ZNRF3: variants seen among roughly 807,000 people sequenced by gnomAD.
ZNRF3 encodes the protein zinc and ring finger 3.
In ZNRF3, 23 loss-of-function variants were observed where a neutral mutation model predicts 72.5. That is an observed-to-expected ratio of 0.32 (90% CI 0.23 to 0.45). ZNRF3 has a LOEUF of 0.45. ZNRF3 is among the 20% of genes least tolerant of loss of function. The pLI, the probability that ZNRF3 is intolerant of heterozygous loss-of-function variation, is 1.00. For missense variants in ZNRF3, 1,169 were observed against 1,272.1 expected (o/e 0.92, Z 1.23); for synonymous variants, 610 against 545.3 (o/e 1.12, Z -1.65).
At chr22:29,020,471 G>A (rs2036513309) in intron 2 of ZNRF3, among the ~76,000 whole-genome samples, 1 of 151,884 alleles carries the variant, frequency 6.6e-6, no homozygotes, top group Non-Finnish European at 1.5e-5. Context: ...ATGCTGCCCA[G>A]GCTGGTCTTA....
intron 5 of ZNRF3, among the ~76,000 whole-genome samples, chr22:29,046,486 C>A (rs1444131763): frequency 6.6e-6 from 1 of 152,184 alleles, no homozygotes; most frequent in Non-Finnish European, 1.5e-5. Context: ...ATCAGAGAGA[C>A]CCCTGCTAGT....
At chr22:28,999,046 G>A (rs2036095961) in intron 2 of ZNRF3, among the ~76,000 whole-genome samples, 1 of 152,026 alleles carries the variant, frequency 6.6e-6, no homozygotes, top group Admixed American at 6.6e-5. Flanking sequence ...AGCCGGGTGC[G>A]GTGGCTCATG....
chr22:29,037,222 GGTCCAAGCCCCAAACCAA>G (rs1168189172), intron 2 of ZNRF3, among the ~76,000 whole-genome samples: 1 of 152,192 alleles, frequency 6.6e-6, no homozygotes, highest in East Asian at 1.9e-4. Flanking sequence ...GATGGCGGTA[GGTCCAAGCCCCAAACCAA>G]GTCTGGGTAT....
At chr22:28,904,945 T>A (rs2034178565) in intron 1 of ZNRF3, among the ~76,000 whole-genome samples, 1 of 151,762 alleles carries the variant, frequency 6.6e-6, no homozygotes, top group Non-Finnish European at 1.5e-5. Flanking sequence ...AGTGTCTTTT[T>A]TTTTTTTTTT....
At chr22:29,014,229 A>G (rs778068183) in intron 2 of ZNRF3, among the ~76,000 whole-genome samples, 3 of 152,076 alleles carry the variant, frequency 2.0e-5, no homozygotes, top group African/African-American at 4.8e-5. Flanking sequence ...TACTCTAATT[A>G]TCACTGATGG....
intron 2 of ZNRF3, among the ~76,000 whole-genome samples, chr22:29,010,576 C>T (rs1051653006): frequency 1.3e-5 from 2 of 152,096 alleles, no homozygotes; most frequent in African/African-American, 4.8e-5. Flanking sequence ...GTATATTGAT[C>T]CCTTACCTGA....
chr22:28,890,217 C>G (rs757369417), intron 1 of ZNRF3, among the ~76,000 whole-genome samples: 1 of 152,188 alleles, frequency 6.6e-6, no homozygotes, highest in Non-Finnish European at 1.5e-5. Flanking sequence ...TGAAAGTGAT[C>G]TGGCCCGGTG....
intron 1 of ZNRF3, among the ~76,000 whole-genome samples, chr22:28,977,802 C>T (rs936821930): frequency 6.6e-6 from 1 of 152,124 alleles, no homozygotes; most frequent in African/African-American, 2.4e-5. Context: ...ATAAAAGCAC[C>T]ACTAGCCCTA....
At chr22:28,940,013 G>C (rs1319339832) in intron 1 of ZNRF3, among the ~76,000 whole-genome samples, 1 of 152,178 alleles carries the variant, frequency 6.6e-6, no homozygotes, top group African/African-American at 2.4e-5. Flanking sequence ...TTCACTGTGA[G>C]GAAAGATTTA....
chr22:29,011,917 C>T (rs2123853279), intron 2 of ZNRF3, among the ~76,000 whole-genome samples: 1 of 152,318 alleles, frequency 6.6e-6, no homozygotes, highest in East Asian at 1.9e-4. Flanking sequence ...AAATTTCCAG[C>T]TTCTCTTTGT....
intron 2 of ZNRF3, among the ~76,000 whole-genome samples, chr22:29,036,531 A>G (rs1239983268): frequency 1.3e-5 from 2 of 152,230 alleles, no homozygotes; most frequent in Non-Finnish European, 2.9e-5. Context: ...CGCCTAACCC[A>G]GAAATTAAAT....
chr22:28,937,193 ATATATATATATATATATATATATTT>A (rs1378753408), intron 1 of ZNRF3, among the ~76,000 whole-genome samples: 1 of 21,708 alleles, frequency 4.6e-5, no homozygotes, highest in Non-Finnish European at 1.3e-4. Context: ...ATATATATAT[ATATATATATATATATATATATATTT>A]TTTTTTTTTT....
In ZNRF3 at chr22:29,028,308, G is replaced by A. The variant is rs1259292986; in HGVS notation, c.427-14187G>A. Reference sequence around the variant, plus strand: ...TTCCACCCTGCCACCTCTCAGGGAGGGCCAGATGTGATGCAATGAGTGTGA... The same window carrying A: ...TTCCACCCTGCCACCTCTCAGGGAGAGCCAGATGTGATGCAATGAGTGTGA... On this transcript the variant is annotated intron_variant, in intron 2 of 8. Coordinates refer to ENST00000544604, the MANE Select transcript of ZNRF3 (RefSeq NM_001206998.2). Among the ~76,000 whole-genome samples the A allele has an allele frequency of 9.9e-5, 15 of 152,200 alleles. No individual in the cohort carries two copies. In the East Asian group the frequency reaches 2.9e-3, roughly 29 times the overall value.
intron 1 of ZNRF3, among the ~76,000 whole-genome samples, chr22:28,904,395 C>T (rs1438204315): frequency 2.0e-5 from 3 of 152,198 alleles, no homozygotes; most frequent in African/African-American, 4.8e-5. Context: ...CTCAACTGCT[C>T]GTTCACTTTT....
intron 2 of ZNRF3, among the ~76,000 whole-genome samples, chr22:29,005,707 C>A (rs2123847851): frequency 6.6e-6 from 1 of 152,224 alleles, no homozygotes; most frequent in South Asian, 2.1e-4. Flanking sequence ...GGAATGAAGC[C>A]TCTCACATCT....
At chr22:28,908,494 C>G (rs191413883) in intron 1 of ZNRF3, among the ~76,000 whole-genome samples, 1 of 152,186 alleles carries the variant, frequency 6.6e-6, no homozygotes, top group Non-Finnish European at 1.5e-5. Context: ...AAAAAGAAGT[C>G]CAAGAGGGTT....
chr22:28,949,858 C>T (rs2035125522), intron 1 of ZNRF3, among the ~76,000 whole-genome samples: 1 of 152,164 alleles, frequency 6.6e-6, no homozygotes, highest in East Asian at 1.9e-4. Flanking sequence ...ACTAGTTTGG[C>T]TTACAGCTAA....
Position 29,049,054 on chromosome 22 carries a change from T to G in ZNRF3, c.1016-143T>G. On this transcript the variant is annotated intron_variant, in intron 7 of 8. Coordinates refer to ENST00000544604, the MANE Select transcript of ZNRF3 (RefSeq NM_001206998.2). The surrounding 1 kb of genome is among the most constrained non-coding windows in gnomAD (Gnocchi z 5.2). ...GTCAGCCTCTGCCGCTGCAGCTCAGTTTGGGGGCAGGGTTGTGAGAATGGG... is the reference window on the plus strand; with the variant it reads ...GTCAGCCTCTGCCGCTGCAGCTCAGGTTGGGGGCAGGGTTGTGAGAATGGG... 1 of 943,800 alleles carries G rather than the reference T, an allele frequency of 1.1e-6. No individual in the cohort carries two copies. The highest frequency in any genetic ancestry group is 1.6e-6 in the Non-Finnish European group (1 of 629,808). The allele number at this position is 943,800 out of a possible 1,614,324, so 58.5% of individuals were successfully genotyped here. A position where few individuals can be genotyped will look rare whatever the true frequency, so the allele number is the denominator to read the frequency against.
intron 8 of ZNRF3, among the ~76,000 whole-genome samples, chr22:29,052,355 CTT>C (rs1198398114): frequency 6.6e-6 from 1 of 152,148 alleles, no homozygotes; most frequent in African/African-American, 2.4e-5. Context: ...AAGTTGATGT[CTT>C]TGTGCTAGAA....
Sources: allele counts gnomAD v4.1 joint callset (sites outside exome capture counted in the v4.1 genomes callset), GRCh38; gene constraint gnomAD v4.1.1; non-coding constraint Gnocchi (gnomAD v3.1); transcripts MANE v1.5; gene names NCBI Gene and HGNC (gene_info 2026-07-23, HGNC 2026-07-21).